The following MAGI3 variants were observed in gnomAD, a reference collection of about 807,000 sequenced individuals.
MAGI3 encodes the protein membrane associated guanylate kinase, WW and PDZ domain containing 3.
In MAGI3, 43 loss-of-function variants were observed where a neutral mutation model predicts 121.8. The observed-to-expected ratio is 0.35, with a 90% CI of 0.28 to 0.46. The LOEUF (loss-of-function observed/expected upper bound fraction) is 0.46, where lower values mean the gene tolerates loss of function less well. Among genes scored for constraint, MAGI3 ranks in the 20% least tolerant of loss-of-function variants. MAGI3 has a pLI of 1.00. For missense variants in MAGI3, 1,547 were observed against 1,797.3 expected, an observed-to-expected ratio of 0.86 and a Z score of 2.52; for synonymous variants, 553 against 639.3, an observed-to-expected ratio of 0.86 and a Z score of 2.04.
chr1:113,594,594 T>C lies in MAGI3; in HGVS notation c.1018+34T>C, dbSNP rs368327542. On this transcript the variant is annotated intron_variant, in intron 6 of 20. Transcript: ENST00000307546. ...TCAGAAACTTACTCTATCATACTTA[T>C]TCTCTTAATCCTTTCTTGCTCTTCT... 12 of 1,546,038 alleles carry C rather than the reference T, an allele frequency of 7.8e-6. No individual in the cohort carries two copies. In the African/African-American group the frequency reaches 1.2e-4, roughly 16 times the overall value.
At chr1:113,655,614 T>C (rs1653424599) in intron 15 of MAGI3, among the ~76,000 whole-genome samples, 1 of 152,170 alleles carries the variant, frequency 6.6e-6, no homozygotes, top group Non-Finnish European at 1.5e-5. Context: ...ATTGTGATGG[T>C]TTTACCTATG....
At chr1:113,679,131 A>G (rs144296802) in intron 19 of MAGI3, among the ~76,000 whole-genome samples, 36 of 152,282 alleles carry the variant, frequency 2.4e-4, no homozygotes, top group African/African-American at 8.7e-4. Flanking sequence ...AGTGCGGCAC[A>G]TGTACAGGTT....
Position 113,666,323 on chromosome 1 carries a change from C to T in MAGI3, c.2816-5411C>T, listed in dbSNP as rs188620300. 2.1e-3 allele frequency among the ~76,000 whole-genome samples: 322 copies of T among 152,304 alleles called. 6 individuals are homozygous for T. The highest frequency in any genetic ancestry group is 3.9e-3 in the East Asian group (20 of 5,188). On this transcript the variant is annotated intron_variant, in intron 16 of 20. Transcript: ENST00000307546. ...AACTTCTTTCAAAATTGGACTTTGT[C>T]CTCTCAAACTTTGCCTCTACTTTAT...
At chr1:113,549,925 G>A (rs1659695496) in intron 2 of MAGI3, among the ~76,000 whole-genome samples, 1 of 149,100 alleles carries the variant, frequency 6.7e-6, no homozygotes. Context: ...AGACCAGCCT[G>A]GCCAACATTG....
chr1:113,598,532 T>C (rs1649164652), intron 6 of MAGI3, among the ~76,000 whole-genome samples: 1 of 152,128 alleles, frequency 6.6e-6, no homozygotes, highest in South Asian at 2.1e-4. Context: ...GAGTAGCTAT[T>C]GTTATGTCAG....
chr1:113,495,415 T>G (rs370102340), intron 1 of MAGI3, among the ~76,000 whole-genome samples: 1 of 151,692 alleles, frequency 6.6e-6, no homozygotes, highest in East Asian at 1.9e-4. Flanking sequence ...TTTGGTTACA[T>G]GAATAACTTT....
intron 2 of MAGI3, among the ~76,000 whole-genome samples, chr1:113,568,064 G>A (rs770628830): frequency 4.0e-5 from 6 of 151,884 alleles, no homozygotes; most frequent in Non-Finnish European, 1.5e-5. Context: ...TATATTAAAG[G>A]CAAAACTATA....
chr1:113,611,995 A>G (rs528940086), intron 6 of MAGI3, among the ~76,000 whole-genome samples: 4 of 146,536 alleles, frequency 2.7e-5, no homozygotes, highest in Admixed American at 1.4e-4. Flanking sequence ...CCAGGCTGGA[A>G]TGCAGTGGCA....
intron 3 of MAGI3, among the ~76,000 whole-genome samples, chr1:113,583,959 T>TCA (rs1648206695): frequency 6.6e-6 from 1 of 152,154 alleles, no homozygotes; most frequent in South Asian, 2.1e-4. Flanking sequence ...TCCAAAGAAT[T>TCA]CATGTTAAAT....
At chr1:113,534,813 T>C (rs1467854537) in intron 1 of MAGI3, among the ~76,000 whole-genome samples, 1 of 152,194 alleles carries the variant, frequency 6.6e-6, no homozygotes, top group East Asian at 1.9e-4. Context: ...TTTTTTTTTC[T>C]TTTTTATGGG....
intron 4 of MAGI3, among the ~76,000 whole-genome samples, chr1:113,586,282 A>G (rs376520649): frequency 1.5e-4 from 23 of 152,336 alleles, no homozygotes; most frequent in African/African-American, 5.5e-4. Context: ...TGTAAACTTC[A>G]TAGGGCTGAA....
intron 6 of MAGI3, among the ~76,000 whole-genome samples, chr1:113,600,667 A>G (rs867231468): frequency 3.3e-5 from 5 of 152,362 alleles, no homozygotes; most frequent in East Asian, 1.9e-4. Context: ...TATAGATTCA[A>G]TGCCATCCCC....
chr1:113,600,848 C>T (rs1201919140), intron 6 of MAGI3, among the ~76,000 whole-genome samples: 1 of 152,144 alleles, frequency 6.6e-6, no homozygotes, highest in Non-Finnish European at 1.5e-5. Flanking sequence ...ACCAAAACAG[C>T]ATGGTACTGG....
intron 1 of MAGI3, among the ~76,000 whole-genome samples, chr1:113,444,924 GA>G (rs896617521): frequency 1.6e-4 from 25 of 152,168 alleles, no homozygotes; most frequent in African/African-American, 5.1e-4. Context: ...AAACCAAAAA[GA>G]AATTCTGGAG....
intron 2 of MAGI3, among the ~76,000 whole-genome samples, chr1:113,561,657 A>G (rs976676428): frequency 1.3e-5 from 2 of 152,236 alleles, no homozygotes; most frequent in South Asian, 4.1e-4. Context: ...AGCCAATATC[A>G]TACCGAATGG....
At chr1:113,608,475 G>T (rs767070715) in intron 6 of MAGI3, among the ~76,000 whole-genome samples, 1 of 152,130 alleles carries the variant, frequency 6.6e-6, no homozygotes, top group African/African-American at 2.4e-5. Flanking sequence ...CATGTACATG[G>T]CCTTGCTGTT....
At chr1:113,659,350 C>G (rs967582089) in intron 16 of MAGI3, 85 bp downstream of exon 16, 1 of 1,313,736 alleles carries the variant, frequency 7.6e-7, no homozygotes, top group Non-Finnish European at 1.1e-6. Flanking sequence ...CCAGCACTGC[C>G]AGAATCACTG....
intron 2 of MAGI3, among the ~76,000 whole-genome samples, chr1:113,578,821 T>A (rs901773372): frequency 2.6e-5 from 4 of 152,152 alleles, no homozygotes; most frequent in African/African-American, 9.6e-5. Flanking sequence ...GTAAAACAGG[T>A]AAAGAAATGC....
chr1:113,553,964 G>A (rs573812046), intron 2 of MAGI3, among the ~76,000 whole-genome samples: 3 of 152,338 alleles, frequency 2.0e-5, no homozygotes, highest in South Asian at 2.1e-4. Context: ...AGCCGAGATC[G>A]TGCCACTGCA....
Sources: gnomAD v4.1 joint callset for allele counts (sites outside exome capture counted in the v4.1 genomes callset) on GRCh38, gnomAD v4.1.1 for gene constraint, MANE v1.5 for transcripts, NCBI Gene and HGNC (gene_info 2026-07-23, HGNC 2026-07-21) for gene names.